The following PAH variants were observed in gnomAD, a reference collection of about 807,000 sequenced individuals.
The protein encoded by PAH is phenylalanine-4-hydroxylase.
Under a neutral mutation model 62.0 loss-of-function variants are expected in PAH, and 64 were observed. The ratio of observed to expected loss-of-function variants is 1.03; its 90% CI spans 0.84 to 1.27. The LOEUF is 1.27. Among genes scored for constraint, PAH ranks in the 50% most tolerant of loss-of-function variants. The probability of loss-of-function intolerance (pLI) is 0.00; values close to 1 mark genes in which losing one functional copy is unlikely to be tolerated. For missense variants in PAH, 579 were observed against 542.8 expected (o/e 1.07, Z -0.66); for synonymous variants, 195 against 196.2 (o/e 0.99, Z 0.05).
chr12:102,858,682 C>G (rs1875559795), intron 5 of PAH, among the ~76,000 whole-genome samples: 1 of 152,192 alleles, frequency 6.6e-6, no homozygotes, highest in Non-Finnish European at 1.5e-5. Context: ...CTCAAAACCA[C>G]TCAACTACAT....
Position 102,851,981 on chromosome 12 carries a change from G to C in PAH, c.843-225C>G. On this transcript the variant is annotated intron_variant, in intron 7 of 12. Coordinates refer to ENST00000553106, the MANE Select transcript of PAH (RefSeq NM_000277.3). ...AAATAAGAGACAGGTGCAGGGTAGG[G>C]CACAGCAGCCAAGGGTCTTAAGAGT... The C allele has an allele frequency of 5.6e-6, 3 of 535,678 alleles. No individual in the cohort carries two copies. In the South Asian group the frequency reaches 6.2e-5, roughly 11 times the overall value. 33.2% of individuals were successfully genotyped at this position (535,678 alleles called of 1,614,324 possible). A position where few individuals can be genotyped will look rare whatever the true frequency, so the allele number is the denominator to read the frequency against.
intron 4 of PAH, chr12:102,877,185 ATC>A: frequency 2.1e-6 from 1 of 477,480 alleles, no homozygotes; most frequent in Non-Finnish European, 3.9e-6. Context: ...GATGATTTGC[ATC>A]TGTGTGTGTG....
At chr12:102,872,233 A>G (rs1041365408) in intron 4 of PAH, among the ~76,000 whole-genome samples, 2 of 152,112 alleles carry the variant, frequency 1.3e-5, no homozygotes, top group African/African-American at 4.8e-5. Flanking sequence ...TTATTGTCTT[A>G]TGGAACATTA....
intron 7 of PAH, chr12:102,852,036 T>G (rs1875175586): frequency 1.1e-5 from 5 of 436,606 alleles, no homozygotes; most frequent in Non-Finnish European, 2.1e-5. Context: ...GCAGAAGAGC[T>G]AATATTCCTG....
chr12:102,882,128 T>C (rs1002512261), intron 3 of PAH, among the ~76,000 whole-genome samples: 2 of 152,226 alleles, frequency 1.3e-5, no homozygotes, highest in African/African-American at 2.4e-5. Flanking sequence ...TCTTACCTCT[T>C]GTCCTTTTGA....
exon 1 of PAH, chr12:102,958,342 C>T (rs772871535): frequency 3.4e-5 from 49 of 1,457,434 alleles, no homozygotes; most frequent in Non-Finnish European, 4.2e-5. Flanking sequence ...TGTTTCTTTG[C>T]CACGGCCGCA....
At position 102,894,750 on chromosome 12, in the gene PAH, T is replaced by C. The variant is rs1331306772; in HGVS notation, c.337A>G (p.Lys113Glu). The C allele has an allele frequency of 6.2e-7, 1 of 1,614,118 alleles. No homozygotes were observed. The highest frequency in any genetic ancestry group is 8.5e-7 in the Non-Finnish European group (1 of 1,179,980). The change falls in exon 3 of 13, where the codon AAG (lysine) becomes GAG (glutamate). Residue 113 changes from lysine to glutamate, a missense_variant. By Grantham distance (56) the Lys-to-Glu change is moderately conservative. Transcript: ENST00000553106. ...GATVHELSRD[K>E]KKDTVPWFPR... ...TAATTCTTACCTGTGTCTTTCTTCT[T>C]ATCTCGTGAAAGCTCATGGACAGTG...
chr12:102,935,781 CT>C (rs1555211266), intron 1 of PAH, among the ~76,000 whole-genome samples: 1 of 151,556 alleles, frequency 6.6e-6, no homozygotes, highest in Non-Finnish European at 1.5e-5. Context: ...GGTCTTCTCC[CT>C]TTTTTTTCTT....
chr12:102,955,121 A>G (rs1879874278), upstream of PAH, among the ~76,000 whole-genome samples: 1 of 152,216 alleles, frequency 6.6e-6, no homozygotes, highest in South Asian at 2.1e-4. Flanking sequence ...CCAATGAGTA[A>G]GGCCACTACA....
At chr12:102,858,713 C>G (rs1409930640) in intron 5 of PAH, among the ~76,000 whole-genome samples, 2 of 152,192 alleles carry the variant, frequency 1.3e-5, no homozygotes, top group Non-Finnish European at 2.9e-5. Context: ...GAACCTGCTC[C>G]TGAATGACTC....
At chr12:102,870,997 C>G (rs1250756890) in intron 4 of PAH, among the ~76,000 whole-genome samples, 1 of 152,200 alleles carries the variant, frequency 6.6e-6, no homozygotes, top group Non-Finnish European at 1.5e-5. Context: ...TCTGCCCATT[C>G]TACCATTCAA....
chr12:102,869,581 C>G (rs1198201371), intron 4 of PAH, among the ~76,000 whole-genome samples: 4 of 152,140 alleles, frequency 2.6e-5, no homozygotes, highest in Non-Finnish European at 5.9e-5. Context: ...TATACAGGAA[C>G]ACACACACAG....
upstream of PAH, among the ~76,000 whole-genome samples, chr12:102,919,971 G>A (rs1174413792): frequency 1.3e-5 from 2 of 152,086 alleles, no homozygotes; most frequent in Admixed American, 1.3e-4. Context: ...CCAGCAGTGG[G>A]ATCACTAGAT....
intron 3 of PAH, among the ~76,000 whole-genome samples, chr12:102,889,085 G>T (rs1379519512): frequency 6.6e-6 from 1 of 152,122 alleles, no homozygotes; most frequent in Non-Finnish European, 1.5e-5. Flanking sequence ...GCCCTAAGCG[G>T]CTTCTCTCTA....
intron 1 of PAH, among the ~76,000 whole-genome samples, chr12:102,930,209 CCATT>C (rs1224346433): frequency 6.6e-6 from 1 of 152,072 alleles, no homozygotes. Context: ...TTTATTTCTG[CCATT>C]CATTCATTCA....
intron 2 of PAH, among the ~76,000 whole-genome samples, chr12:102,900,015 A>C (rs981684475): frequency 1.3e-5 from 2 of 151,036 alleles, no homozygotes; most frequent in Admixed American, 1.3e-4. Context: ...CTTTTTTTAA[A>C]ATCATAGTTC....
At chr12:102,912,932 T>C (rs1230018896) in intron 1 of PAH, 34 bp from the exon 2 acceptor site, 2 of 1,444,464 alleles carry the variant, frequency 1.4e-6, no homozygotes, top group South Asian at 1.1e-5. Flanking sequence ...TAAAACATTT[T>C]CCACAGTTTA....
At chr12:102,847,222 G>T (rs1681306102) in intron 8 of PAH, 1 of 495,086 alleles carries the variant, frequency 2.0e-6, no homozygotes, top group Non-Finnish European at 3.7e-6. Context: ...ACTTGCTCAT[G>T]ATCACAGGGT....
At chr12:102,873,216 T>C (rs957665800) in intron 4 of PAH, among the ~76,000 whole-genome samples, 2 of 152,204 alleles carry the variant, frequency 1.3e-5, no homozygotes, top group African/African-American at 4.8e-5. Context: ...GCTAAACTAT[T>C]TTCCCCCATC....
Sources: allele counts gnomAD v4.1 joint callset (sites outside exome capture counted in the v4.1 genomes callset), GRCh38; gene constraint gnomAD v4.1.1; transcripts MANE v1.5; gene names NCBI Gene and HGNC (gene_info 2026-07-23, HGNC 2026-07-21).